SLC38A8: variants seen among roughly 807,000 people sequenced by gnomAD.
SLC38A8 encodes solute carrier family 38 member 8.
Under a neutral mutation model 46.0 loss-of-function variants are expected in SLC38A8, and 65 were observed. The ratio of observed to expected loss-of-function variants is 1.41; its 90% CI spans 1.16 to 1.74. The LOEUF (loss-of-function observed/expected upper bound fraction) is 1.74. SLC38A8 is among the 40% of genes most tolerant of loss of function. SLC38A8 has a pLI of 0.00. For synonymous variants in SLC38A8, 447 were observed against 243.7 expected, an observed-to-expected ratio of 1.83 and a Z score of -7.77; for missense variants, 998 against 567.9, an observed-to-expected ratio of 1.76 and a Z score of -7.70.
intron 6 of SLC38A8, among the ~76,000 whole-genome samples, chr16:84,028,507 A>C (rs1597267132): frequency 1.3e-5 from 2 of 151,548 alleles, no homozygotes; most frequent in African/African-American, 4.8e-5. Flanking sequence ...GGTGCAGTGC[A>C]GTGAGCTGAG....
intron 7 of SLC38A8, among the ~76,000 whole-genome samples, chr16:84,019,243 T>C (rs532443719): frequency 2.6e-5 from 4 of 152,170 alleles, no homozygotes; most frequent in African/African-American, 9.6e-5. Context: ...CTCGGCTATA[T>C]TTTTCTGTTT....
At chr16:84,030,615 C>T (rs922264253) in intron 5 of SLC38A8, among the ~76,000 whole-genome samples, 1 of 152,114 alleles carries the variant, frequency 6.6e-6, no homozygotes, top group Non-Finnish European at 1.5e-5. Flanking sequence ...CTCTCTAATC[C>T]AGGAAACAGC....
intron 8 of SLC38A8, 120 bp downstream of exon 8, chr16:84,017,020 G>T: frequency 7.3e-7 from 1 of 1,365,676 alleles, no homozygotes; most frequent in Non-Finnish European, 9.9e-7. Flanking sequence ...GTTTCCTCCT[G>T]TCTACAATTG....
At chr16:84,014,203 G>A (rs1409703077) in intron 9 of SLC38A8, among the ~76,000 whole-genome samples, 1 of 151,452 alleles carries the variant, frequency 6.6e-6, no homozygotes, top group Non-Finnish European at 1.5e-5. Flanking sequence ...CAAGGGAGGA[G>A]CTGTGTAGCC....
rs551970987 is a variant in SLC38A8 at position 84,026,298 on chromosome 16, T to C, written c.690+3196A>G. Among the ~76,000 whole-genome samples, 9 of 152,338 alleles carry C rather than the reference T, an allele frequency of 5.9e-5. No homozygotes were observed. In the East Asian group the frequency reaches 1.7e-3, roughly 29 times the overall value. On this transcript the variant is annotated intron_variant, in intron 6 of 10. Coordinates refer to ENST00000299709, the MANE Select transcript of SLC38A8 (RefSeq NM_001080442.3). ...AGGCTGGAGTACAGTTGCATGATCT[T>C]GGCTCACTGCAACCTCCACATCCTG...
chr16:84,028,017 C>T (rs545348701), intron 6 of SLC38A8, among the ~76,000 whole-genome samples: 14 of 150,698 alleles, frequency 9.3e-5, no homozygotes, highest in African/African-American at 3.2e-4. Context: ...CGACTGATTA[C>T]GAGGAAGAGA....
chr16:84,016,505 A>G lies in SLC38A8; in HGVS notation c.1162+14T>C, dbSNP rs746495678. The G allele has an allele frequency of 1.2e-6, 2 of 1,611,772 alleles. No homozygotes were observed. The highest frequency in any genetic ancestry group is 1.7e-6 in the Non-Finnish European group (2 of 1,178,270). On this transcript the variant is annotated intron_variant, in intron 9 of 10. Transcript: ENST00000299709. ...GAACAAGTGGGCAGAAAGCCTGGAA[A>G]GCAGGGGCCTCACCTGGGAAGATGA...
intron 10 of SLC38A8, 93 bp downstream of exon 10, chr16:84,012,908 A>C: frequency 1.5e-6 from 2 of 1,360,376 alleles, no homozygotes; most frequent in Non-Finnish European, 2.1e-6. Context: ...CAGGATGCAG[A>C]GGATGAGAAA....
intron 5 of SLC38A8, among the ~76,000 whole-genome samples, chr16:84,029,926 G>C (rs143592533): frequency 6.6e-6 from 1 of 152,210 alleles, no homozygotes; most frequent in Non-Finnish European, 1.5e-5. Flanking sequence ...ATAGCACAAG[G>C]ATGGTTTGAG....
At chr16:84,024,996 C>T (rs148501860) in intron 6 of SLC38A8, among the ~76,000 whole-genome samples, 8 of 152,202 alleles carry the variant, frequency 5.3e-5, no homozygotes, top group East Asian at 2.0e-4. Context: ...ATTTTTTTAA[C>T]GCAAAACATA....
At chr16:84,012,822 C>T (rs2084969909) in intron 10 of SLC38A8, among the ~76,000 whole-genome samples, 179 bp downstream of exon 10, 1 of 152,214 alleles carries the variant, frequency 6.6e-6, no homozygotes, top group African/African-American at 2.4e-5. Context: ...CTGGCCCGGG[C>T]TCCTATCCTG....
At chr16:84,020,913 G>T (rs1007161284) in intron 7 of SLC38A8, among the ~76,000 whole-genome samples, 4 of 152,208 alleles carry the variant, frequency 2.6e-5, no homozygotes, top group African/African-American at 7.2e-5. Context: ...AGATCTTGCT[G>T]CTTTGGTTCT....
In SLC38A8 at chr16:84,026,182, G is replaced by T. The variant is rs1447997152; in HGVS notation, c.691-3293C>A. ...GCCAGACAGGTTGGTGGGCAGGAGG[G>T]TGCCTCCTTTTCTCCCTGTTTGACT... On this transcript the variant is annotated intron_variant, in intron 6 of 10. Transcript: ENST00000299709. Among the ~76,000 whole-genome samples the T allele has an allele frequency of 7.2e-5, 11 of 152,246 alleles. No individual in the cohort carries two copies. The East Asian group carries it at 2.1e-3, about 29-fold the overall frequency.
intron 6 of SLC38A8, among the ~76,000 whole-genome samples, chr16:84,023,427 T>G (rs9783797): frequency 6.6e-6 from 1 of 151,776 alleles, no homozygotes; most frequent in Non-Finnish European, 1.5e-5. Flanking sequence ...CCTTTCAGTG[T>G]TCCGTTTTCT....
At chr16:84,034,502 G>T (rs35920530) in intron 3 of SLC38A8, among the ~76,000 whole-genome samples, 30,695 of 152,160 alleles carry the variant, frequency 0.2, 3,457 homozygotes, top group South Asian at 0.28. Context: ...CACCTGGGTG[G>T]GTGAGGTGGC....
chr16:84,022,927 C>T (rs769226943), intron 6 of SLC38A8, 38 bp from the exon 7 acceptor site: 2 of 1,479,540 alleles, frequency 1.4e-6, no homozygotes, highest in African/African-American at 2.9e-5. Flanking sequence ...ATGCTGGCTT[C>T]CCCTGGAACA....
intron 3 of SLC38A8, among the ~76,000 whole-genome samples, chr16:84,033,811 A>G (rs764739563): frequency 9.9e-5 from 15 of 152,178 alleles, no homozygotes; most frequent in Non-Finnish European, 1.9e-4. Context: ...ACTCAATAGT[A>G]TCTGGAGTCA....
At chr16:84,033,166 T>C (rs184634657) in intron 4 of SLC38A8, among the ~76,000 whole-genome samples, 162 bp downstream of exon 4, 1 of 152,360 alleles carries the variant, frequency 6.6e-6, no homozygotes, top group East Asian at 1.9e-4. Context: ...ATCTATGTTT[T>C]GCATCATGCA....
Position 84,017,303 on chromosome 16 carries a change from G to T in SLC38A8, c.806-16C>A. On this transcript the variant is annotated splice_polypyrimidine_tract_variant and intron_variant, in intron 7 of 10. Coordinates refer to ENST00000299709, the MANE Select transcript of SLC38A8 (RefSeq NM_001080442.3). ...CCATAAACCCCTGAAGGTGGGAAAG[G>T]ATGGAAGCCACAGAGTGGATTAGGA... The T allele has an allele frequency of 6.2e-7, 1 of 1,613,728 alleles. No homozygotes were observed.
Sources: allele counts gnomAD v4.1 joint callset (sites outside exome capture counted in the v4.1 genomes callset), GRCh38; gene constraint gnomAD v4.1.1; transcripts MANE v1.5; gene names NCBI Gene and HGNC (gene_info 2026-07-23, HGNC 2026-07-21).